The following DYRK1A variants were observed in gnomAD, a reference collection of about 807,000 sequenced individuals.
The protein encoded by DYRK1A is dual specificity tyrosine-phosphorylation-regulated kinase 1A.
DYRK1A carries 9 observed loss-of-function variants against 79.7 expected under a neutral mutation model. The observed-to-expected ratio is 0.11, with a 90% CI of 0.07 to 0.20. DYRK1A has a LOEUF of 0.20. DYRK1A is among the 10% of genes least tolerant of loss of function. DYRK1A has a pLI of 1.00. For missense variants in DYRK1A, 622 were observed against 956.0 expected, an observed-to-expected ratio of 0.65 and a Z score of 4.61; for synonymous variants, 349 against 329.7, an observed-to-expected ratio of 1.06 and a Z score of -0.63.
chr21:37,392,467 A>C, intron 1 of DYRK1A, among the ~76,000 whole-genome samples: 1 of 152,260 alleles, frequency 6.6e-6, no homozygotes, highest in Non-Finnish European at 1.5e-5. Context: ...AATAATTTAT[A>C]AAAAATAGAA....
chr21:37,457,491 C>T (rs1206094775), intron 2 of DYRK1A, among the ~76,000 whole-genome samples: 2 of 152,194 alleles, frequency 1.3e-5, no homozygotes, highest in Non-Finnish European at 1.5e-5. Flanking sequence ...CCTGCCTCAG[C>T]CTCCCAAAGT....
In DYRK1A at chr21:37,511,948, G is replaced by A; in HGVS notation, c.1682G>A (p.Gly561Asp). ...QQFPAPLGWSGTEAPTQVTVE... is the reference protein window; with the variant it reads ...QQFPAPLGWSDTEAPTQVTVE... ...TTTCCTGCTCCTCTTGGTTGGTCAG[G>A]CACTGAAGCTCCTACACAGGTCACT... The change falls in exon 12 of 12, where the codon GGC (glycine) becomes GAC (aspartate). Residue 561 changes from glycine to aspartate, a missense_variant. Physicochemically the swap from Gly to Asp is moderately conservative, Grantham distance 94. This residue lies in a region of DYRK1A where 292 missense variants were observed against 316.7 expected (regional missense o/e 0.92). Transcript: ENST00000647188. 1 of 1,614,014 alleles carries A rather than the reference G, an allele frequency of 6.2e-7. No homozygotes were observed. The highest frequency in any genetic ancestry group is 1.1e-5 in the South Asian group (1 of 91,076).
intron 1 of DYRK1A, 48 bp from the exon 2 acceptor site, chr21:37,420,251 T>A (rs1187801556): frequency 1.6e-6 from 1 of 643,434 alleles, no homozygotes; most frequent in East Asian, 3.0e-5. Context: ...GTTGGGGTAA[T>A]TGTCTTGCAT....
chr21:37,494,400 C>T (rs768368400), intron 8 of DYRK1A, among the ~76,000 whole-genome samples: 1 of 152,114 alleles, frequency 6.6e-6, no homozygotes, highest in African/African-American at 2.4e-5. Flanking sequence ...GATGCCAGTT[C>T]TCTCACCACC....
chr21:37,421,576 A>G (rs1361879675), intron 2 of DYRK1A, among the ~76,000 whole-genome samples: 1 of 152,134 alleles, frequency 6.6e-6, no homozygotes, highest in East Asian at 1.9e-4. Flanking sequence ...TTGCACATGT[A>G]TGTTTGCCTG....
Position 37,519,371 on chromosome 21 carries a change from A to G in DYRK1A, c.*6840A>G, listed in dbSNP as rs571908362. On this transcript the variant is annotated 3_prime_UTR_variant, in exon 12 of 12. Transcript: ENST00000647188. ...ACGCTGCTCAACTTGCGCAAGGATTACTGTCCGCTTTGTACAATGGAGATA... is the reference window on the plus strand; with the variant it reads ...ACGCTGCTCAACTTGCGCAAGGATTGCTGTCCGCTTTGTACAATGGAGATA... 6.6e-6 allele frequency: 1 copy of G among 152,224 alleles called. No homozygotes were observed. The highest frequency in any genetic ancestry group is 6.5e-5 in the Admixed American group (1 of 15,276). The allele number at this position is 152,224 out of a possible 1,614,324, so 9.4% of individuals were successfully genotyped here. A position where few individuals can be genotyped will look rare whatever the true frequency, so the allele number is the denominator to read the frequency against.
intron 2 of DYRK1A, among the ~76,000 whole-genome samples, chr21:37,457,029 CTTACTTACTTATTTATTTAT>C (rs1279422053): frequency 0.082 from 7,138 of 87,260 alleles, 305 homozygotes; most frequent in Admixed American, 0.21. Context: ...TACTTACTTA[CTTACTTACTTATTTATTTAT>C]TTATTTATTT....
intron 3 of DYRK1A, among the ~76,000 whole-genome samples, chr21:37,474,489 C>G (rs1183550093): frequency 1.3e-5 from 2 of 152,166 alleles, no homozygotes; most frequent in Non-Finnish European, 2.9e-5. Flanking sequence ...TAGAGGATCC[C>G]TTTCCTGTAA....
chr21:37,502,581 A>G (rs2053482547), intron 9 of DYRK1A: 3 of 152,234 alleles, frequency 2.0e-5, no homozygotes, highest in Non-Finnish European at 4.4e-5. Flanking sequence ...AAACCTCACA[A>G]CACATTGTTG....
intron 1 of DYRK1A, among the ~76,000 whole-genome samples, chr21:37,417,540 T>C (rs112301778): frequency 6.8e-5 from 8 of 118,384 alleles, no homozygotes; most frequent in East Asian, 2.1e-4. Flanking sequence ...TTTTTTTTTT[T>C]TTTTTTTTTT....
upstream of DYRK1A, among the ~76,000 whole-genome samples, chr21:37,366,653 G>A (rs1374852277): frequency 6.6e-6 from 1 of 151,848 alleles, no homozygotes; most frequent in African/African-American, 2.4e-5. Context: ...GGAAAGGAGG[G>A]AACGGAATCT....
At chr21:37,476,421 C>T (rs913735725) in intron 3 of DYRK1A, among the ~76,000 whole-genome samples, 1 of 152,182 alleles carries the variant, frequency 6.6e-6, no homozygotes, top group African/African-American at 2.4e-5. Flanking sequence ...CTTATACTTC[C>T]TGTCAACTTT....
At chr21:37,482,559 G>C (rs9975263) in intron 5 of DYRK1A, among the ~76,000 whole-genome samples, 6,377 of 152,272 alleles carry the variant, frequency 0.042, 174 homozygotes, top group Middle Eastern at 0.092. Context: ...CAGGACCACA[G>C]GACCAGGGCG....
chr21:37,417,357 A>T (rs1285269576), intron 1 of DYRK1A, among the ~76,000 whole-genome samples: 2 of 150,922 alleles, frequency 1.3e-5, no homozygotes, highest in Non-Finnish European at 3.0e-5. Context: ...CGCCCAGCTA[A>T]TTTTTTTTGT....
chr21:37,393,518 A>G (rs1029291917), intron 1 of DYRK1A, among the ~76,000 whole-genome samples: 1 of 152,224 alleles, frequency 6.6e-6, no homozygotes, highest in Non-Finnish European at 1.5e-5. Context: ...GTATGCTGAT[A>G]TGAGATGTCA....
At position 37,512,122 on chromosome 21, in the gene DYRK1A, C is replaced by T. The variant is rs2148662535; in HGVS notation, c.1856C>T (p.Thr619Ile). ...HHGQQALGNR[T>I]RPRVYNSPTN... The stretch of plus-strand genomic sequence containing the variant: ...GGACAACAAGCCTTGGGTAACCGGA[C>T]CAGGCCAAGGGTCTACAATTCTCCA... The change falls in exon 12 of 12, where the codon ACC (threonine) becomes ATC (isoleucine). Residue 619 changes from threonine to isoleucine, a missense_variant. This residue lies in a region of DYRK1A where 292 missense variants were observed against 316.7 expected (regional missense o/e 0.92). Coordinates refer to ENST00000647188, the MANE Select transcript of DYRK1A (RefSeq NM_001347721.2). 1 of 1,614,166 alleles carries T rather than the reference C, an allele frequency of 6.2e-7. No individual in the cohort carries two copies. Among genetic ancestry groups the T allele is most frequent in the Non-Finnish European group, 8.5e-7 (1 of 1,180,028 alleles).
At chr21:37,367,653 CCCGCCCGGCCTGGCGCTCGGCT>C (rs1162970509) in intron 1 of DYRK1A, 25 bp downstream of exon 1, 2 of 146,008 alleles carry the variant, frequency 1.4e-5, no homozygotes, top group Admixed American at 6.7e-5. Context: ...CGGCCGCGGC[CCCGCCCGGCCTGGCGCTCGGCT>C]CCCCCGGCGG....
At chr21:37,386,822 A>G (rs2148379425) in intron 1 of DYRK1A, among the ~76,000 whole-genome samples, 1 of 152,284 alleles carries the variant, frequency 6.6e-6, no homozygotes, top group South Asian at 2.1e-4. Flanking sequence ...TGGTTGCGGC[A>G]GTGTCAGGAG....
chr21:37,507,565 C>CT, intron 11 of DYRK1A, among the ~76,000 whole-genome samples: 1 of 152,312 alleles, frequency 6.6e-6, no homozygotes, highest in African/African-American at 2.4e-5. Flanking sequence ...CTAATGCTGT[C>CT]TTTCTGCATT....
Sources: gnomAD v4.1 joint callset for allele counts (sites outside exome capture counted in the v4.1 genomes callset) on GRCh38, gnomAD v4.1.1 for gene constraint, gnomAD v4.1.1 regional missense constraint, MANE v1.5 for transcripts, NCBI Gene and HGNC (gene_info 2026-07-23, HGNC 2026-07-21) for gene names.